The following NFIA variants were observed in gnomAD, a reference collection of about 807,000 sequenced individuals.
NFIA encodes the protein nuclear factor 1 A-type.
Under a neutral mutation model 62.8 loss-of-function variants are expected in NFIA, and 8 were observed. That is an observed-to-expected ratio of 0.13 (90% CI 0.07 to 0.23). The LOEUF is 0.23. NFIA is among the 10% of genes least tolerant of loss of function. NFIA has a pLI of 1.00. For synonymous variants in NFIA, 235 were observed against 238.1 expected (o/e 0.99, Z 0.12); for missense variants, 410 against 642.1 (o/e 0.64, Z 3.91).
chr1:61,234,936 G>GC (rs1440421549), intron 2 of NFIA, among the ~76,000 whole-genome samples: 1 of 152,148 alleles, frequency 6.6e-6, no homozygotes, highest in East Asian at 1.9e-4. Context: ...ATACCAGTTG[G>GC]CATCTGTCTG....
intron 3 of NFIA, among the ~76,000 whole-genome samples, chr1:61,291,074 A>G (rs1253859919): frequency 1.3e-5 from 2 of 152,226 alleles, no homozygotes; most frequent in African/African-American, 4.8e-5. Context: ...GTAAGAAGAT[A>G]CAGAAGCCTG....
chr1:61,332,664 CA>C, intron 4 of NFIA, 78 bp downstream of exon 4: 43 of 1,173,920 alleles, frequency 3.7e-5, no homozygotes, highest in South Asian at 1.1e-4. Context: ...TCCTAGAGAC[CA>C]AAAAAAGCTT....
chr1:61,437,896 G>C (rs74089355), intron 10 of NFIA, among the ~76,000 whole-genome samples: 2 of 152,172 alleles, frequency 1.3e-5, no homozygotes, highest in Non-Finnish European at 2.9e-5. Context: ...AGAAACATTA[G>C]ATCAGAGTCT....
intron 2 of NFIA, among the ~76,000 whole-genome samples, chr1:61,264,235 T>C (rs1446445153): frequency 6.6e-6 from 1 of 152,180 alleles, no homozygotes; most frequent in Non-Finnish European, 1.5e-5. Flanking sequence ...CCAATCGCCC[T>C]CTTGGACTTT....
At chr1:61,327,660 T>G (rs938612188) in intron 3 of NFIA, among the ~76,000 whole-genome samples, 1 of 152,166 alleles carries the variant, frequency 6.6e-6, no homozygotes, top group Non-Finnish European at 1.5e-5. Flanking sequence ...TATCCGCTCC[T>G]TGGCCAATGG....
intron 10 of NFIA, among the ~76,000 whole-genome samples, chr1:61,447,443 A>T (rs1034643193): frequency 1.3e-5 from 2 of 152,234 alleles, no homozygotes; most frequent in Non-Finnish European, 2.9e-5. Flanking sequence ...GAATCAACAA[A>T]TACAAAGAAA....
intron 2 of NFIA, among the ~76,000 whole-genome samples, chr1:61,108,545 A>G (rs749973520): frequency 2.1e-4 from 32 of 151,598 alleles, no homozygotes; most frequent in Non-Finnish European, 2.8e-4. Flanking sequence ...AAAGATGTTC[A>G]TTTCTATTCT....
At chr1:61,290,727 A>C (rs1207344501) in intron 3 of NFIA, among the ~76,000 whole-genome samples, 1 of 152,196 alleles carries the variant, frequency 6.6e-6, no homozygotes, top group African/African-American at 2.4e-5. Flanking sequence ...TGGATTTGCA[A>C]CACAATATCA....
At chr1:61,077,714 TA>T, upstream of NFIA, 1 of 1,107,882 alleles carries the variant, frequency 9.0e-7, no homozygotes. Context: ...GTTTAATGGC[TA>T]AGACTAAAAT....
At chr1:61,419,621 A>G (rs572838895) in intron 9 of NFIA, among the ~76,000 whole-genome samples, 61 of 152,240 alleles carry the variant, frequency 4.0e-4, no homozygotes, top group African/African-American at 1.4e-3. Flanking sequence ...TTTTACCCCA[A>G]ATTCTGATAT....
At chr1:61,283,581 CAAAAAAAAAAA>C (rs576613886) in intron 3 of NFIA, among the ~76,000 whole-genome samples, 2,489 of 36,718 alleles carry the variant, frequency 0.068, 98 homozygotes, top group Non-Finnish European at 0.1. Context: ...GACTCTGTCT[CAAAAAAAAAAA>C]AAAAAAAAAA....
At chr1:61,112,994 G>A (rs1475913960) in intron 2 of NFIA, among the ~76,000 whole-genome samples, 1 of 152,010 alleles carries the variant, frequency 6.6e-6, no homozygotes, top group East Asian at 1.9e-4. Flanking sequence ...TGTTTCATTA[G>A]CCCTAAAAAT....
intron 3 of NFIA, among the ~76,000 whole-genome samples, chr1:61,289,996 ATCT>A (rs911626013): frequency 5.7e-5 from 8 of 140,958 alleles, no homozygotes; most frequent in Non-Finnish European, 1.1e-4. Flanking sequence ...TGCCAGGGAC[ATCT>A]TCTTTTTAAG....
intron 6 of NFIA, among the ~76,000 whole-genome samples, chr1:61,361,993 G>A (rs142534739): frequency 8.6e-4 from 131 of 152,200 alleles, no homozygotes; most frequent in African/African-American, 3.0e-3. Flanking sequence ...CTCAGCAAGC[G>A]CAGAAAGTCA....
intron 2 of NFIA, among the ~76,000 whole-genome samples, chr1:61,166,375 A>G (rs1232632778): frequency 1.3e-5 from 2 of 152,166 alleles, no homozygotes; most frequent in African/African-American, 2.4e-5. Context: ...TATTCATTAC[A>G]TTTTGGAGTT....
At chr1:61,250,105 G>A (rs1035746899) in intron 2 of NFIA, 6 of 152,142 alleles carry the variant, frequency 3.9e-5, no homozygotes, top group South Asian at 2.1e-4. Flanking sequence ...TGCAAGGTAC[G>A]GTTCATTGTC....
chr1:61,404,067 T>C (rs1368805255), intron 7 of NFIA, 37 bp from the exon 8 acceptor site: 2 of 1,607,986 alleles, frequency 1.2e-6, no homozygotes, highest in Non-Finnish European at 1.7e-6. Flanking sequence ...AAAGCAGGTC[T>C]TTCTTTTCAT....
intron 2 of NFIA, among the ~76,000 whole-genome samples, chr1:61,225,166 C>T (rs553783355): frequency 6.6e-6 from 1 of 150,902 alleles, no homozygotes; most frequent in South Asian, 2.1e-4. Flanking sequence ...AAAAAAAAGT[C>T]TGTGAGAAGG....
intron 2 of NFIA, among the ~76,000 whole-genome samples, chr1:61,110,298 CAA>C (rs1646673713): frequency 6.6e-6 from 1 of 150,442 alleles, no homozygotes; most frequent in Non-Finnish European, 1.5e-5. Context: ...TTAGAAAAGT[CAA>C]AGAGTAACCC....
Sources: allele counts gnomAD v4.1 joint callset (sites outside exome capture counted in the v4.1 genomes callset), GRCh38; gene constraint gnomAD v4.1.1; transcripts MANE v1.5; gene names NCBI Gene and HGNC (gene_info 2026-07-23, HGNC 2026-07-21).